The following FLT3LG variants were observed in gnomAD, a reference collection of about 807,000 sequenced individuals.
FLT3LG encodes fms-related tyrosine kinase 3 ligand.
In FLT3LG, 8 loss-of-function variants were observed where a neutral mutation model predicts 30.9. That is an observed-to-expected ratio of 0.26 (90% confidence interval 0.15 to 0.47). The LOEUF (loss-of-function observed/expected upper bound fraction) is 0.47, where lower values mean the gene tolerates loss of function less well. FLT3LG is among the 20% of genes least tolerant of loss of function. The pLI is 0.99. For synonymous variants in FLT3LG, 123 were observed against 135.9 expected (o/e 0.91, Z 0.66); for missense variants, 278 against 306.2 (o/e 0.91, Z 0.69).
intron 2 of FLT3LG, among the ~76,000 whole-genome samples, chr19:49,475,317 G>A (rs1370306080): frequency 3.3e-5 from 5 of 151,812 alleles, no homozygotes; most frequent in African/African-American, 1.2e-4. Context: ...TGAAGAGGAC[G>A]TGGACCAAGA....
At position 49,476,247 on chromosome 19, in the gene FLT3LG, C is replaced by T; in HGVS notation, c.198+49C>T. 6.6e-7 allele frequency: 1 copy of T among 1,526,116 alleles called. No individual in the cohort carries two copies. Among genetic ancestry groups the T allele is most frequent in the Non-Finnish European group, 9.0e-7 (1 of 1,105,014 alleles). 94.5% of individuals were successfully genotyped at this position (1,526,116 alleles called of 1,614,324 possible). ...GGGATGGAGGTGGGGACCACAGACTCAAGATGCTCCACCGAGGCGAGTGGA... is the reference window on the plus strand; with the variant it reads ...GGGATGGAGGTGGGGACCACAGACTTAAGATGCTCCACCGAGGCGAGTGGA... On this transcript the variant is annotated intron_variant, in intron 4 of 8. Transcript: ENST00000597551. The surrounding 1 kb of genome is among the most constrained non-coding windows in gnomAD (Gnocchi z 5.3).
intron 3 of FLT3LG, 28 bp downstream of exon 3, chr19:49,475,829 A>G (rs1430543434): frequency 2.0e-6 from 3 of 1,468,290 alleles, no homozygotes; most frequent in African/African-American, 3.0e-5. Flanking sequence ...GGACCCCCTC[A>G]TGTGATCCCC....
At chr19:49,483,864 C>CT (rs2079698817) in intron 8 of FLT3LG, among the ~76,000 whole-genome samples, 1 of 106,158 alleles carries the variant, frequency 9.4e-6, no homozygotes, top group African/African-American at 4.9e-5. Context: ...GAGACTCTGT[C>CT]TCAAAAAAAA....
intron 8 of FLT3LG, among the ~76,000 whole-genome samples, chr19:49,482,900 T>A (rs1284416024): frequency 6.6e-6 from 1 of 151,738 alleles, no homozygotes; most frequent in Non-Finnish European, 1.5e-5. Flanking sequence ...GTGCTGGGAT[T>A]ACAGGCGTGA....
rs2079415069 is a variant in FLT3LG, at chr19:49,476,930, T to C, written c.342+364T>C. On this transcript the variant is annotated intron_variant, in intron 5 of 8. Transcript: ENST00000597551. This position sits in a 1 kb window ranked among gnomAD's most constrained non-coding sequence, Gnocchi z 5.3. ...GGGAGGCTGAGGTGGGCGGATCACT[T>C]GAGGTCAGGAGTTTGAGACCAGCCT... Among the ~76,000 whole-genome samples the C allele has an allele frequency of 6.6e-6, 1 of 151,822 alleles. No homozygotes were observed. The highest frequency in any genetic ancestry group is 2.1e-4 in the South Asian group (1 of 4,810).
chr19:49,474,289 A>C lies in FLT3LG; in HGVS notation c.-38+8A>C. ...CCAACTGGGGCAAGCCTGGTGCGTGAGGAGACTTGGACTCTAGGTCCCCAA... is the reference window on the plus strand; with the variant it reads ...CCAACTGGGGCAAGCCTGGTGCGTGCGGAGACTTGGACTCTAGGTCCCCAA... On this transcript the variant is annotated splice_region_variant and intron_variant, in intron 1 of 8. Transcript: ENST00000597551. The C allele has an allele frequency of 2.2e-6, 1 of 448,586 alleles. No individual in the cohort carries two copies. Among genetic ancestry groups the C allele is most frequent in the South Asian group, 2.7e-5 (1 of 36,972 alleles). The allele number at this position is 448,586 out of a possible 1,614,324, so 27.8% of individuals were successfully genotyped here.
At position 49,480,532 on chromosome 19, in the gene FLT3LG, T is replaced by C. The variant is rs1289667914; in HGVS notation, c.661-20T>C. On this transcript the variant is annotated intron_variant, in intron 7 of 8. Coordinates refer to ENST00000597551, the MANE Select transcript of FLT3LG (RefSeq NM_001459.4). ...GCCGAGAGGGTGGCCCACTTGTGGC[T>C]GACACTTTGGGGCCCACAGGTGCCC... 3.1e-6 allele frequency: 5 copies of C among 1,611,896 alleles called. No individual in the cohort carries two copies. The highest frequency in any genetic ancestry group is 1.1e-5 in the South Asian group (1 of 90,632).
chr19:49,484,283 T>C (rs2079721896), intron 8 of FLT3LG, among the ~76,000 whole-genome samples: 1 of 145,668 alleles, frequency 6.9e-6, no homozygotes, highest in South Asian at 2.1e-4. Context: ...TTATTTTTTA[T>C]TATAATTTTT....
chr19:49,480,759 C>CGGT, intron 8 of FLT3LG, 139 bp downstream of exon 8: 1 of 837,226 alleles, frequency 1.2e-6, no homozygotes, highest in Non-Finnish European at 1.8e-6. Context: ...GGGCCAGGCG[C>CGGT]GGTGGCTCAC....
chr19:49,476,011 T>C lies in FLT3LG; in HGVS notation c.145-134T>C. 9.0e-7 allele frequency: 1 copy of C among 1,112,126 alleles called. No homozygotes were observed. The highest frequency in any genetic ancestry group is 1.7e-5 in the Admixed American group (1 of 58,128). 68.9% of individuals were successfully genotyped at this position (1,112,126 alleles called of 1,614,324 possible). ...GTGTCATCCCTTTTTAAGGGCAAGG[T>C]TCTGTGGCTTCTTCTGGGCTCCCCC... On this transcript the variant is annotated intron_variant, in intron 3 of 8. Transcript: ENST00000597551. This position sits in a 1 kb window ranked among gnomAD's most constrained non-coding sequence, Gnocchi z 5.3.
At chr19:49,481,243 G>C (rs2079600522) in intron 8 of FLT3LG, 1 of 153,254 alleles carries the variant, frequency 6.5e-6, no homozygotes, top group African/African-American at 2.4e-5. Flanking sequence ...AGTTGGCACA[G>C]ATAGCCCTGG....
chr19:49,482,802 T>C (rs2079659297), intron 8 of FLT3LG, among the ~76,000 whole-genome samples: 1 of 151,970 alleles, frequency 6.6e-6, no homozygotes, highest in South Asian at 2.1e-4. Flanking sequence ...TAATTTTTTG[T>C]GTTTTTAGTA....
chr19:49,475,721 T>G lies in FLT3LG; in HGVS notation c.64T>G (p.Ser22Ala), dbSNP rs763913835. The change falls in exon 3 of 9, where the codon TCG becomes GCG. Residue 22 changes from serine to alanine, a missense_variant. Coordinates refer to ENST00000597551, the MANE Select transcript of FLT3LG (RefSeq NM_001459.4). ...TCTCCTCCTGCTGCTGCTGCTGAGC[T>G]CGGGACTCAGTGGGACCCAGGACTG... ...TYLLLLLLLS[S>A]GLSGTQDCSF... The G allele has an allele frequency of 6.2e-7, 1 of 1,610,430 alleles. No homozygotes were observed.
chr19:49,478,090 G>C (rs192408109), intron 5 of FLT3LG, among the ~76,000 whole-genome samples: 195 of 151,576 alleles, frequency 1.3e-3, no homozygotes, highest in African/African-American at 4.4e-3. Context: ...CGAGGCGGGC[G>C]AGTCACCTGA....
Position 49,475,870 on chromosome 19 carries a change from T to TG in FLT3LG, c.144+73dup, listed in dbSNP as rs543966034. The TG allele has an allele frequency of 8.9e-4, 1,190 of 1,341,934 alleles. 2 individuals are homozygous for TG. Among genetic ancestry groups the TG allele is most frequent in the Middle Eastern group, 3.4e-3 (18 of 5,336 alleles). 83.1% of individuals were successfully genotyped at this position (1,341,934 alleles called of 1,614,324 possible). A position where few individuals can be genotyped will look rare whatever the true frequency, so the allele number is the denominator to read the frequency against. ...CCCCACTTTTTTTTTTAAGTAGAGA[T>TG]GGGGTCTCTCTCCCTGTGTTTCCCA... On this transcript the variant is annotated intron_variant, in intron 3 of 8. Coordinates refer to ENST00000597551, the MANE Select transcript of FLT3LG (RefSeq NM_001459.4).
At position 49,480,521 on chromosome 19, in the gene FLT3LG, C is replaced by T. The variant is rs775357215; in HGVS notation, c.661-31C>T. The T allele has an allele frequency of 3.7e-6, 6 of 1,609,936 alleles. 1 individual carries two copies. The highest frequency in any genetic ancestry group is 3.3e-5 in the South Asian group (3 of 90,336). Reference sequence around the variant, plus strand: ...GGGGTGAGGGGGCCGAGAGGGTGGCCCACTTGTGGCTGACACTTTGGGGCC... The same window carrying T: ...GGGGTGAGGGGGCCGAGAGGGTGGCTCACTTGTGGCTGACACTTTGGGGCC... On this transcript the variant is annotated intron_variant, in intron 7 of 8. Coordinates refer to ENST00000597551, the MANE Select transcript of FLT3LG (RefSeq NM_001459.4).
intron 5 of FLT3LG, 84 bp from the exon 6 acceptor site, chr19:49,478,825 A>T: frequency 7.7e-7 from 1 of 1,303,502 alleles, no homozygotes; most frequent in Non-Finnish European, 1.0e-6. Flanking sequence ...GTTGCTGGGC[A>T]TCGCCAGCAG....
In FLT3LG at chr19:49,486,221, CT is replaced by C. The variant is rs1370386774; in HGVS notation, c.*232del. ...CCCATGAAATTGTATATAAATCATCCTTTTCTACCAGCTCTGGCCAGGTCTG... is the reference window on the plus strand; with the variant it reads ...CCCATGAAATTGTATATAAATCATCCTTTCTACCAGCTCTGGCCAGGTCTG... On this transcript the variant is annotated 3_prime_UTR_variant, in exon 9 of 9. Transcript: ENST00000597551. 2.6e-5 allele frequency: 4 copies of C among 152,710 alleles called. No homozygotes were observed. Among genetic ancestry groups the C allele is most frequent in the African/African-American group, 7.2e-5 (3 of 41,468 alleles). The allele number at this position is 152,710 out of a possible 1,614,324, so 9.5% of individuals were successfully genotyped here. A position where few individuals can be genotyped will look rare whatever the true frequency, so the allele number is the denominator to read the frequency against.
At position 49,474,269 on chromosome 19, in the gene FLT3LG, T is replaced by A. The variant is rs1051806007; in HGVS notation, c.-50T>A. 5.4e-6 allele frequency: 2 copies of A among 372,262 alleles called. No homozygotes were observed. The highest frequency in any genetic ancestry group is 4.1e-5 in the African/African-American group (2 of 48,458). 23.1% of individuals were successfully genotyped at this position (372,262 alleles called of 1,614,324 possible). A position where few individuals can be genotyped will look rare whatever the true frequency, so the allele number is the denominator to read the frequency against. Reference sequence around the variant, plus strand: ...CGGCTTGGCCCCTTCCACACCCAACTGGGGCAAGCCTGGTGCGTGAGGAGA... The same window carrying A: ...CGGCTTGGCCCCTTCCACACCCAACAGGGGCAAGCCTGGTGCGTGAGGAGA... On this transcript the variant is annotated 5_prime_UTR_variant, in exon 1 of 9. Transcript: ENST00000597551.
Sources: allele counts gnomAD v4.1 joint callset (sites outside exome capture counted in the v4.1 genomes callset), GRCh38; gene constraint gnomAD v4.1.1; non-coding constraint Gnocchi (gnomAD v3.1); transcripts MANE v1.5; gene names NCBI Gene and HGNC (gene_info 2026-07-23, HGNC 2026-07-21).